Variants in TEFM observed in about 807,000 individuals in gnomAD.
TEFM encodes transcription elongation factor, mitochondrial, also known as transcription elongation factor of mitochondria.
In TEFM, 14 loss-of-function variants were observed where a neutral mutation model predicts 23.0. The observed-to-expected ratio is 0.61, with a 90% CI of 0.40 to 0.95. TEFM has a LOEUF of 0.95. Among genes scored for constraint, TEFM ranks in the 40% least tolerant of loss-of-function variants. The probability of loss-of-function intolerance (pLI) is 0.00; values close to 1 mark genes in which losing one functional copy is unlikely to be tolerated. For synonymous variants in TEFM, 155 were observed against 158.3 expected (o/e 0.98, Z 0.16); for missense variants, 386 against 425.5 (o/e 0.91, Z 0.82).
chr17:30,902,689 TG>T (rs1419462512), intron 2 of TEFM, among the ~76,000 whole-genome samples: 1 of 152,114 alleles, frequency 6.6e-6, no homozygotes, highest in East Asian at 1.9e-4. Context: ...TCTTTTTCTA[TG>T]GGAAGAGGGT....
At position 30,899,450 on chromosome 17, in the gene TEFM, C is replaced by T; in HGVS notation, c.802G>A (p.Asp268Asn). 1 of 1,614,192 alleles carries T rather than the reference C, an allele frequency of 6.2e-7. No individual in the cohort carries two copies. The highest frequency in any genetic ancestry group is 8.5e-7 in the Non-Finnish European group (1 of 1,180,028). ...YALLNKTFAQ[D>N]GQHQVLSMNR... The stretch of plus-strand genomic sequence containing the variant: ...ATGCTCAGCACCTGATGCTGCCCAT[C>T]CTGGGCAAAAGTTTTATTTAATAAG... The change falls in exon 4 of 4, where the codon GAT becomes AAT. Residue 268 changes from aspartate (D) to asparagine (N), a missense_variant. Transcript: ENST00000581216.
At position 30,904,359 on chromosome 17, in the gene TEFM, C is replaced by T; in HGVS notation, c.202G>A (p.Glu68Lys). The change falls in exon 2 of 4, where the codon GAA (glutamate) becomes AAA (lysine). Residue 68 changes from glutamate to lysine, a missense_variant. Glu to Lys is a moderately conservative substitution (Grantham distance 56). Coordinates refer to ENST00000581216, the MANE Select transcript of TEFM (RefSeq NM_024683.4). ...ACATGCAAGATGGAAGCCTGCTGTT[C>T]TGAAGAGAAGAGCTTGTCAAGTGCA... ...ENALDKLFSS[E>K]QQASILHVLN... is the part of the protein sequence containing the mutation. 1 of 1,614,206 alleles carries T rather than the reference C, an allele frequency of 6.2e-7. No homozygotes were observed. Among genetic ancestry groups the T allele is most frequent in the Non-Finnish European group, 8.5e-7 (1 of 1,180,050 alleles).
At chr17:30,901,730 T>C (rs564895850) in intron 2 of TEFM, among the ~76,000 whole-genome samples, 3 of 152,244 alleles carry the variant, frequency 2.0e-5, no homozygotes, top group African/African-American at 7.2e-5. Flanking sequence ...TTTTAAGGAA[T>C]AACATAAGAT....
chr17:30,902,900 C>A (rs374292742), intron 2 of TEFM, among the ~76,000 whole-genome samples: 1 of 151,624 alleles, frequency 6.6e-6, no homozygotes, highest in Non-Finnish European at 1.5e-5. Context: ...CTCAGCACTT[C>A]GGGAGCCCGA....
At chr17:30,903,352 G>A (rs147284737) in intron 2 of TEFM, among the ~76,000 whole-genome samples, 8,506 of 147,924 alleles carry the variant, frequency 0.058, 664 homozygotes, top group African/African-American at 0.18. Flanking sequence ...TCAGCCTCCC[G>A]AGTAGCTGGG....
Position 30,899,627 on chromosome 17 carries a change from T to C in TEFM, c.646-21A>G, listed in dbSNP as rs150840183. On this transcript the variant is annotated intron_variant, in intron 3 of 3. Coordinates refer to ENST00000581216, the MANE Select transcript of TEFM (RefSeq NM_024683.4). ...GAAATCTTTTTAAAAAAAGACAAAATAAAGGAACAGAAATAATTCATTACA... is the reference window on the plus strand; with the variant it reads ...GAAATCTTTTTAAAAAAAGACAAAACAAAGGAACAGAAATAATTCATTACA... 5.9e-3 allele frequency: 8,660 copies of C among 1,466,662 alleles called. 85 individuals carry two copies. The highest frequency in any genetic ancestry group is 0.032 in the South Asian group (2,087 of 66,152). 90.9% of individuals were successfully genotyped at this position (1,466,662 alleles called of 1,614,324 possible).
chr17:30,903,805 C>T (rs1446872737), intron 2 of TEFM, among the ~76,000 whole-genome samples: 1 of 152,174 alleles, frequency 6.6e-6, no homozygotes. Context: ...ATGCCCTCCT[C>T]TCCCATCCAA....
intron 1 of TEFM, among the ~76,000 whole-genome samples, chr17:30,904,754 C>T (rs1007835922): frequency 6.6e-6 from 1 of 151,196 alleles, no homozygotes; most frequent in Non-Finnish European, 1.5e-5. Flanking sequence ...TCTCGGCTCA[C>T]TGCAAGCTCC....
rs1909978105 is a variant in TEFM, at chr17:30,898,995, A to G, written c.*174T>C. On this transcript the variant is annotated 3_prime_UTR_variant, in exon 4 of 4. Transcript: ENST00000581216. ...CCTGAGAGGCACAGAATCTCATAAA[A>G]TGTTTATTGATTTGGTCTTGGCTTA... 1.7e-6 allele frequency: 1 copy of G among 600,834 alleles called. No homozygotes were observed. The highest frequency in any genetic ancestry group is 2.5e-5 in the South Asian group (1 of 40,070). The allele number at this position is 600,834 out of a possible 1,614,324, so 37.2% of individuals were successfully genotyped here.
At chr17:30,901,575 C>A (rs1035475207) in intron 2 of TEFM, among the ~76,000 whole-genome samples, 4 of 152,176 alleles carry the variant, frequency 2.6e-5, no homozygotes, top group African/African-American at 9.7e-5. Flanking sequence ...ACCCAGATGT[C>A]TGGAAAGATA....
At position 30,900,419 on chromosome 17, in the gene TEFM, T is replaced by C. The variant is rs748094972; in HGVS notation, c.639A>G (p.Leu213=). 10 of 1,614,134 alleles carry C rather than the reference T, an allele frequency of 6.2e-6. No homozygotes were observed. Among genetic ancestry groups the C allele is most frequent in the South Asian group, 1.1e-5 (1 of 91,080 alleles). Residue 213 remains leucine, a synonymous_variant, in exon 3 of 4, where the codon TTA becomes TTG. Transcript: ENST00000581216. The stretch of plus-strand genomic sequence containing the variant: ...GGAGGTGCAACTGCCTTACCTCTTC[T>C]AAATAGACTGATGATGAGTATATTC... ...MRGIYSSSVY[L]EEISSIISKM...
chr17:30,904,676 A>T (rs1910127857), intron 1 of TEFM, 147 bp from the exon 2 acceptor site: 2 of 602,270 alleles, frequency 3.3e-6, no homozygotes, highest in South Asian at 5.0e-5. Context: ...GTCTTGGAGA[A>T]TCATCTTTTT....
At chr17:30,902,764 G>GA (rs1416259718) in intron 2 of TEFM, among the ~76,000 whole-genome samples, 2 of 151,446 alleles carry the variant, frequency 1.3e-5, no homozygotes, top group Non-Finnish European at 2.9e-5. Flanking sequence ...CACTGGTCCA[G>GA]AAAAAAAATG....
At chr17:30,903,971 C>T in intron 2 of TEFM, 95 bp downstream of exon 2, 1 of 1,074,750 alleles carries the variant, frequency 9.3e-7, no homozygotes, top group Non-Finnish European at 1.3e-6. Context: ...CCTGAAGAAC[C>T]CTGTCTTAGC....
chr17:30,901,873 CAGAT>C (rs1289726554), intron 2 of TEFM, among the ~76,000 whole-genome samples: 5 of 152,228 alleles, frequency 3.3e-5, no homozygotes, highest in African/African-American at 9.6e-5. Context: ...GGAAAAGAAA[CAGAT>C]AGTGGGAGCA....
intron 2 of TEFM, among the ~76,000 whole-genome samples, chr17:30,900,978 CTT>C (rs1395347741): frequency 6.6e-6 from 1 of 151,846 alleles, no homozygotes; most frequent in African/African-American, 2.4e-5. Flanking sequence ...GTAATATAAA[CTT>C]ATTTATAGTT....
Position 30,904,495 on chromosome 17 carries a change from T to C in TEFM, c.66A>G (p.Ser22=). The C allele has an allele frequency of 6.2e-7, 1 of 1,612,168 alleles. No homozygotes were observed. ...RWRCFLTPSR[S]SLYWALHNFC... ...AATTATGTAAGGCCCAGTACAGGGA[T>C]GACCTCGACGGGGTCAGAAAGCATC... Residue 22 remains serine, a synonymous_variant, in exon 2 of 4, where the codon TCA becomes TCG. Transcript: ENST00000581216.
In TEFM at chr17:30,900,469, T is replaced by C. The variant is rs201217660; in HGVS notation, c.589A>G (p.Ser197Gly). 9.9e-6 allele frequency: 16 copies of C among 1,614,200 alleles called. No homozygotes were observed. In the East Asian group the frequency reaches 3.3e-4, roughly 34 times the overall value. ...CCTCTCATTAAACTCCAACGGTCAC[T>C]TTGCTGCCAGTCCAGCACTGTCAAC... Reference protein sequence around the residue: ...RKLTVLDWQQSDRWSLMRGIY... With the variant: ...RKLTVLDWQQGDRWSLMRGIY... The change falls in exon 3 of 4, where the codon AGT becomes GGT. Residue 197 changes from serine to glycine, a missense_variant. Coordinates refer to ENST00000581216, the MANE Select transcript of TEFM (RefSeq NM_024683.4).
In TEFM at chr17:30,899,199, A is replaced by G; in HGVS notation, c.1053T>C (p.Tyr351=). 1 of 1,605,386 alleles carries G rather than the reference A, an allele frequency of 6.2e-7. No homozygotes were observed. The highest frequency in any genetic ancestry group is 1.1e-5 in the South Asian group (1 of 90,596). The change falls in exon 4 of 4, where the codon TAT becomes TAC. Residue 351 remains tyrosine (Y), a synonymous_variant. Transcript: ENST00000581216. The part of the protein sequence containing the change: ...YDSLLQAIAF[Y]ELAVFDSQP ...GCTGAGAGTCAAACACTGCTAATTC[A>G]TAGAAGGCAATAGCTTGTAATAATG...
Sources: gnomAD v4.1 joint callset for allele counts (sites outside exome capture counted in the v4.1 genomes callset) on GRCh38, gnomAD v4.1.1 for gene constraint, MANE v1.5 for transcripts, NCBI Gene and HGNC (gene_info 2026-07-23, HGNC 2026-07-21) for gene names.